ADAMTS20: variants seen among roughly 807,000 people sequenced by gnomAD.
ADAMTS20 encodes ADAM metallopeptidase with thrombospondin type 1 motif 20, also known as A disintegrin and metalloproteinase with thrombospondin motifs 20.
In ADAMTS20, 225 loss-of-function variants were observed where a neutral mutation model predicts 260.1. The observed-to-expected ratio is 0.87, with a 90% CI of 0.78 to 0.97. The LOEUF (loss-of-function observed/expected upper bound fraction) is 0.97, where lower values mean the gene tolerates loss of function less well. ADAMTS20 is among the 50% of genes least tolerant of loss of function. The probability of loss-of-function intolerance (pLI) is 0.00; values close to 1 mark genes in which losing one functional copy is unlikely to be tolerated. For synonymous variants in ADAMTS20, 802 were observed against 769.5 expected, an observed-to-expected ratio of 1.04 and a Z score of -0.70; for missense variants, 2,400 against 2,337.7, an observed-to-expected ratio of 1.03 and a Z score of -0.55.
intron 28 of ADAMTS20, among the ~76,000 whole-genome samples, chr12:43,418,131 G>A (rs564263496): frequency 6.6e-6 from 1 of 152,098 alleles, no homozygotes; most frequent in Non-Finnish European, 1.5e-5. Flanking sequence ...ACCAAAAAGA[G>A]GCTTGTTCCA....
chr12:43,404,860 T>C (rs1481221111), intron 28 of ADAMTS20, among the ~76,000 whole-genome samples: 6 of 152,138 alleles, frequency 3.9e-5, no homozygotes, highest in Non-Finnish European at 1.5e-5. Context: ...TTTACCTTCA[T>C]ACATGTTTCC....
chr12:43,370,743 C>G (rs1220436449), intron 36 of ADAMTS20, among the ~76,000 whole-genome samples: 1 of 152,170 alleles, frequency 6.6e-6, no homozygotes, highest in African/African-American at 2.4e-5. Flanking sequence ...GCTCTATTTC[C>G]CATTTCACTA....
intron 28 of ADAMTS20, among the ~76,000 whole-genome samples, chr12:43,415,947 T>G (rs1446688277): frequency 1.3e-5 from 2 of 152,200 alleles, no homozygotes; most frequent in Non-Finnish European, 2.9e-5. Flanking sequence ...TCAGATTGAC[T>G]TTTTCACTCA....
intron 28 of ADAMTS20, among the ~76,000 whole-genome samples, chr12:43,405,085 T>A (rs1940886146): frequency 6.6e-6 from 1 of 151,238 alleles, no homozygotes; most frequent in South Asian, 2.1e-4. Context: ...CATTTGCAGA[T>A]AAGGAAAATA....
chr12:43,508,339 A>G (rs1241577466), intron 3 of ADAMTS20, among the ~76,000 whole-genome samples: 1 of 152,182 alleles, frequency 6.6e-6, no homozygotes, highest in Non-Finnish European at 1.5e-5. Flanking sequence ...CTCATTTTAC[A>G]GATGAGGAAT....
At chr12:43,499,559 G>A (rs1942726351) in intron 4 of ADAMTS20, among the ~76,000 whole-genome samples, 1 of 150,212 alleles carries the variant, frequency 6.7e-6, no homozygotes, top group Non-Finnish European at 1.5e-5. Flanking sequence ...CACGATCTCG[G>A]CTGGGAACCG....
At chr12:43,501,997 A>G (rs1942773281) in intron 4 of ADAMTS20, among the ~76,000 whole-genome samples, 155 bp downstream of exon 4, 1 of 152,200 alleles carries the variant, frequency 6.6e-6, no homozygotes, top group Admixed American at 6.5e-5. Flanking sequence ...CTATAACTCT[A>G]TCTAAACTAA....
chr12:43,539,778 A>G (rs1943351275), intron 2 of ADAMTS20, among the ~76,000 whole-genome samples: 1 of 152,238 alleles, frequency 6.6e-6, no homozygotes, highest in Non-Finnish European at 1.5e-5. Context: ...AAAATATACT[A>G]ATAGACATAA....
At chr12:43,367,290 C>G (rs1458859463) in intron 37 of ADAMTS20, among the ~76,000 whole-genome samples, 4 of 151,896 alleles carry the variant, frequency 2.6e-5, no homozygotes, top group Admixed American at 2.0e-4. Context: ...ATGAAATATT[C>G]TCAAAAAATA....
At chr12:43,423,805 A>G (rs1402519241) in intron 28 of ADAMTS20, 1 of 703,900 alleles carries the variant, frequency 1.4e-6, no homozygotes, top group Admixed American at 2.0e-5. Context: ...GATATAGTAG[A>G]TGGTCAGTAA....
intron 16 of ADAMTS20, among the ~76,000 whole-genome samples, 190 bp downstream of exon 16, chr12:43,443,600 GT>G (rs79186773): frequency 0.14 from 21,036 of 147,612 alleles, 1,694 homozygotes; most frequent in Admixed American, 0.25. Flanking sequence ...ATTTCATTAA[GT>G]TTTTTTTTTT....
chr12:43,437,095 TAAAC>T (rs1373554583), intron 18 of ADAMTS20, among the ~76,000 whole-genome samples: 1 of 151,512 alleles, frequency 6.6e-6, no homozygotes, highest in Non-Finnish European at 1.5e-5. Context: ...AAAGGTAAAA[TAAAC>T]AAAAACAAAA....
intron 6 of ADAMTS20, 94 bp downstream of exon 6, chr12:43,492,411 A>AAACAAG (rs1942615811): frequency 6.9e-7 from 1 of 1,450,676 alleles, no homozygotes; most frequent in Non-Finnish European, 9.3e-7. Flanking sequence ...AGAAAAACAA[A>AAACAAG]AACAAAACAA....
intron 28 of ADAMTS20, among the ~76,000 whole-genome samples, chr12:43,416,075 T>A (rs1327698879): frequency 2.0e-5 from 3 of 152,156 alleles, no homozygotes; most frequent in African/African-American, 7.2e-5. Context: ...TACTCCCACC[T>A]TCAGATGCCA....
Position 43,502,401 on chromosome 12 carries a change from A to G in ADAMTS20, c.618T>C (p.Ser206=). The G allele has an allele frequency of 6.3e-7, 1 of 1,580,178 alleles. No individual in the cohort carries two copies. Among genetic ancestry groups the G allele is most frequent in the Non-Finnish European group, 8.5e-7 (1 of 1,171,272 alleles). The change falls in exon 4 of 39, where the codon AGT becomes AGC. Residue 206 remains serine (S), a synonymous_variant. Coordinates refer to ENST00000389420, the MANE Select transcript of ADAMTS20 (RefSeq NM_025003.5). ...AGGGTAAACTGGTTTCCTTTATTTG[A>G]CTTTCTAGGGAGAAAAAAAGAATAT... The part of the protein sequence containing the change: ...QTLKYCSVSE[S]QIKETSLPFH...
chr12:43,500,217 C>T (rs1296730827), intron 4 of ADAMTS20, among the ~76,000 whole-genome samples: 1 of 151,936 alleles, frequency 6.6e-6, no homozygotes, highest in Non-Finnish European at 1.5e-5. Context: ...TTAGTAGAGA[C>T]ATGGTTTCAC....
At chr12:43,435,367 G>T (rs569237608) in intron 18 of ADAMTS20, among the ~76,000 whole-genome samples, 4 of 152,118 alleles carry the variant, frequency 2.6e-5, no homozygotes, top group Admixed American at 2.6e-4. Flanking sequence ...TAGGCCGGGC[G>T]TGTTGGCTCA....
At chr12:43,379,825 A>C (rs975590353) in intron 31 of ADAMTS20, among the ~76,000 whole-genome samples, 30 of 152,310 alleles carry the variant, frequency 2.0e-4, no homozygotes, top group Non-Finnish European at 3.8e-4. Flanking sequence ...AAAGAGATTA[A>C]ATTTGTAACC....
chr12:43,441,378 T>C (rs550730381), intron 16 of ADAMTS20, among the ~76,000 whole-genome samples: 1 of 152,016 alleles, frequency 6.6e-6, no homozygotes, highest in East Asian at 1.9e-4. Flanking sequence ...ATTAGTAACA[T>C]TACTTTTTAA....
Sources: gnomAD v4.1 joint callset for allele counts (sites outside exome capture counted in the v4.1 genomes callset) on GRCh38, gnomAD v4.1.1 for gene constraint, MANE v1.5 for transcripts, NCBI Gene and HGNC (gene_info 2026-07-23, HGNC 2026-07-21) for gene names.